The following SLC38A1 variants were observed in gnomAD, a reference collection of about 807,000 sequenced individuals.
SLC38A1 encodes the protein solute carrier family 38 member 1, also known as sodium-coupled neutral amino acid symporter 1.
SLC38A1 carries 18 observed loss-of-function variants against 60.3 expected under a neutral mutation model. The observed-to-expected ratio is 0.30, with a 90% CI of 0.21 to 0.44. SLC38A1 has a LOEUF of 0.44. SLC38A1 is among the 20% of genes least tolerant of loss of function. The probability of loss-of-function intolerance (pLI) is 1.00; values close to 1 mark genes in which losing one functional copy is unlikely to be tolerated. For missense variants in SLC38A1, 448 were observed against 587.2 expected (o/e 0.76, Z 2.45); for synonymous variants, 196 against 212.1 (o/e 0.92, Z 0.66).
chr12:46,226,561 GAATTCATC>G (rs1940869923), intron 5 of SLC38A1, among the ~76,000 whole-genome samples: 1 of 149,904 alleles, frequency 6.7e-6, no homozygotes, highest in Admixed American at 6.7e-5. Context: ...GGGGTAATAG[GAATTCATC>G]AACACAATAA....
intron 12 of SLC38A1, 116 bp from the exon 13 acceptor site, chr12:46,201,314 C>A: frequency 2.5e-6 from 2 of 797,150 alleles, no homozygotes; most frequent in Non-Finnish European, 2.0e-6. Context: ...AAGATCTGAA[C>A]AGCTGAAATT....
chr12:46,191,236 T>A (rs1220271780), intron 16 of SLC38A1, among the ~76,000 whole-genome samples: 1 of 152,202 alleles, frequency 6.6e-6, no homozygotes, highest in Non-Finnish European at 1.5e-5. Context: ...AAAGATCAGA[T>A]GGTTGTAGAT....
At position 46,207,414 on chromosome 12, in the gene SLC38A1, C is replaced by G. The variant is rs989025241; in HGVS notation, c.481+115G>C. On this transcript the variant is annotated intron_variant, in intron 7 of 16. Transcript: ENST00000398637. ...GACTGCTGTCTCTGCTTTACTTTCC[C>G]TGTGCCATTTTAGCAATGAGGATGA... 3.0e-5 allele frequency: 34 copies of G among 1,139,202 alleles called. No individual in the cohort carries two copies. The East Asian group carries it at 6.8e-4, about 23-fold the overall frequency. The allele number at this position is 1,139,202 out of a possible 1,614,324, so 70.6% of individuals were successfully genotyped here.
At chr12:46,243,771 T>C (rs1429729092) in intron 1 of SLC38A1, among the ~76,000 whole-genome samples, 6 of 152,226 alleles carry the variant, frequency 3.9e-5, no homozygotes, top group Admixed American at 2.6e-4. Flanking sequence ...TTACTATCTG[T>C]CAACATTTAT....
At chr12:46,258,032 A>C (rs966906437) in intron 1 of SLC38A1, among the ~76,000 whole-genome samples, 8 of 152,158 alleles carry the variant, frequency 5.3e-5, no homozygotes, top group African/African-American at 1.7e-4. Context: ...CATGCTTCCC[A>C]TTTTTAGACC....
At chr12:46,233,139 C>T (rs917235331) in intron 3 of SLC38A1, among the ~76,000 whole-genome samples, 1 of 152,132 alleles carries the variant, frequency 6.6e-6, no homozygotes, top group African/African-American at 2.4e-5. Flanking sequence ...CTGCCTCAGC[C>T]TCCCAAGTAG....
chr12:46,239,902 T>G lies in SLC38A1; in HGVS notation c.-93-9A>C. On this transcript the variant is annotated splice_polypyrimidine_tract_variant and intron_variant, in intron 2 of 16. Coordinates refer to ENST00000398637, the MANE Select transcript of SLC38A1 (RefSeq NM_030674.4). ...ATGGAAGCTTGACACCCCTAAAATA[T>G]AGCAAAATAAAAAAATAACTAAACA... 9.4e-7 allele frequency: 1 copy of G among 1,060,394 alleles called. No individual in the cohort carries two copies. The highest frequency in any genetic ancestry group is 2.4e-5 in the Admixed American group (1 of 41,340). 65.7% of individuals were successfully genotyped at this position (1,060,394 alleles called of 1,614,324 possible). A position where few individuals can be genotyped will look rare whatever the true frequency, so the allele number is the denominator to read the frequency against.
intron 1 of SLC38A1, among the ~76,000 whole-genome samples, chr12:46,258,478 A>C (rs1478002384): frequency 6.6e-6 from 1 of 152,186 alleles, no homozygotes; most frequent in Non-Finnish European, 1.5e-5. Flanking sequence ...AACATACCCT[A>C]AAGGCAATTT....
chr12:46,201,082 A>C lies in SLC38A1; in HGVS notation c.1003+16T>G, dbSNP rs764543401. The C allele has an allele frequency of 3.2e-5, 48 of 1,490,084 alleles. No homozygotes were observed. The highest frequency in any genetic ancestry group is 3.4e-4 in the Middle Eastern group (2 of 5,798). 92.3% of individuals were successfully genotyped at this position (1,490,084 alleles called of 1,614,324 possible). ...TTACAAATATTTATATTTATGTACC[A>C]GTAGAAATTACTTACCATAGAATGT... On this transcript the variant is annotated intron_variant, in intron 13 of 16. Transcript: ENST00000398637.
rs1284191774 is a variant in SLC38A1 at position 46,187,261 on chromosome 12, G to A, written c.*1709C>T. The A allele has an allele frequency of 6.6e-6, 1 of 152,192 alleles. No homozygotes were observed. Among genetic ancestry groups the A allele is most frequent in the Non-Finnish European group, 1.5e-5 (1 of 68,056 alleles). The allele number at this position is 152,192 out of a possible 1,614,324, so 9.4% of individuals were successfully genotyped here. The stretch of plus-strand genomic sequence containing the variant: ...GCCTTTGGGGATTTGAGTCAGGAAG[G>A]GAACATGGCTAAGTGCCTGGAAACT... On this transcript the variant is annotated 3_prime_UTR_variant, in exon 17 of 17. Transcript: ENST00000398637.
intron 2 of SLC38A1, among the ~76,000 whole-genome samples, chr12:46,240,562 A>G (rs1941412938): frequency 6.6e-6 from 1 of 152,216 alleles, no homozygotes; most frequent in African/African-American, 2.4e-5. Context: ...GAGCACACAC[A>G]TAGCTGGTAC....
chr12:46,254,659 C>T (rs754342195), intron 1 of SLC38A1, among the ~76,000 whole-genome samples: 12 of 152,196 alleles, frequency 7.9e-5, no homozygotes, highest in Non-Finnish European at 1.3e-4. Context: ...CTTGGCTTTA[C>T]AAGTCAGGTT....
At chr12:46,238,156 T>G (rs925491318) in intron 3 of SLC38A1, among the ~76,000 whole-genome samples, 1 of 151,778 alleles carries the variant, frequency 6.6e-6, no homozygotes, top group Non-Finnish European at 1.5e-5. Flanking sequence ...TGGTAGCTTA[T>G]GTAAAATACC....
intron 5 of SLC38A1, among the ~76,000 whole-genome samples, chr12:46,223,087 G>C (rs987597136): frequency 1.3e-5 from 2 of 152,180 alleles, no homozygotes; most frequent in African/African-American, 4.8e-5. Flanking sequence ...TCAAGTTGTA[G>C]AGTAATAATG....
intron 5 of SLC38A1, among the ~76,000 whole-genome samples, chr12:46,228,715 A>ATTTCTAT (rs1418345910): frequency 6.6e-6 from 1 of 152,170 alleles, no homozygotes; most frequent in Admixed American, 6.5e-5. Flanking sequence ...AACACTGAAA[A>ATTTCTAT]TTTCTATGCT....
chr12:46,215,992 CAGGACA>C (rs767204854), intron 5 of SLC38A1, among the ~76,000 whole-genome samples: 14 of 152,090 alleles, frequency 9.2e-5, no homozygotes, highest in Non-Finnish European at 1.9e-4. Flanking sequence ...ATTTAAAATC[CAGGACA>C]AGGAACTTAG....
At chr12:46,199,137 G>A (rs1300095520) in intron 13 of SLC38A1, among the ~76,000 whole-genome samples, 2 of 151,962 alleles carry the variant, frequency 1.3e-5, no homozygotes, top group African/African-American at 2.4e-5. Context: ...GGGTGGGGTG[G>A]GGAGAGCTAC....
intron 5 of SLC38A1, among the ~76,000 whole-genome samples, chr12:46,219,818 G>T (rs966176771): frequency 5.3e-5 from 8 of 152,314 alleles, no homozygotes; most frequent in African/African-American, 1.7e-4. Flanking sequence ...GTTGTCTGTT[G>T]CAGGCTAAGA....
intron 1 of SLC38A1, among the ~76,000 whole-genome samples, chr12:46,248,885 G>A (rs761229889): frequency 3.3e-5 from 5 of 152,060 alleles, no homozygotes; most frequent in African/African-American, 7.2e-5. Context: ...GGCCAGGTGC[G>A]ATGGCTCACG....
Sources: gnomAD v4.1 joint callset for allele counts (sites outside exome capture counted in the v4.1 genomes callset) on GRCh38, gnomAD v4.1.1 for gene constraint, MANE v1.5 for transcripts, NCBI Gene and HGNC (gene_info 2026-07-23, HGNC 2026-07-21) for gene names.